ACADL: variants seen among roughly 807,000 people sequenced by gnomAD.
ACADL encodes long-chain specific acyl-CoA dehydrogenase, mitochondrial.
A neutral mutation model predicts 56.9 loss-of-function variants in ACADL; 60 were observed. The observed-to-expected ratio is 1.05, with a 90% CI of 0.86 to 1.31. The LOEUF (loss-of-function observed/expected upper bound fraction) is 1.31. ACADL is among the 50% of genes most tolerant of loss of function. ACADL has a pLI of 0.00. For synonymous variants in ACADL, 158 were observed against 179.7 expected, an observed-to-expected ratio of 0.88 and a Z score of 0.97; for missense variants, 484 against 525.5, an observed-to-expected ratio of 0.92 and a Z score of 0.77.
intron 8 of ACADL, among the ~76,000 whole-genome samples, chr2:210,195,638 C>G (rs961266871): frequency 3.9e-5 from 6 of 152,128 alleles, no homozygotes; most frequent in African/African-American, 1.4e-4. Context: ...AACAGCATGA[C>G]TTTAATGTGT....
intron 4 of ACADL, among the ~76,000 whole-genome samples, chr2:210,215,390 A>G (rs527700537): frequency 1.3e-5 from 2 of 152,260 alleles, no homozygotes; most frequent in South Asian, 4.1e-4. Context: ...TGGCCTTGAC[A>G]TTACTAACTT....
intron 10 of ACADL, among the ~76,000 whole-genome samples, chr2:210,191,220 C>T (rs983319097): frequency 2.6e-5 from 4 of 151,952 alleles, no homozygotes; most frequent in African/African-American, 9.7e-5. Context: ...GCCTCAGTGG[C>T]TTTTTTGATA....
intron 10 of ACADL, among the ~76,000 whole-genome samples, chr2:210,190,978 G>A (rs1325251389): frequency 4.7e-5 from 7 of 149,746 alleles, no homozygotes; most frequent in East Asian, 4.0e-4. Context: ...GTGCAGTGGC[G>A]CAATCTCGAC....
At chr2:210,215,098 C>T (rs1689063566) in intron 4 of ACADL, among the ~76,000 whole-genome samples, 1 of 152,174 alleles carries the variant, frequency 6.6e-6, no homozygotes, top group Non-Finnish European at 1.5e-5. Flanking sequence ...TCTTTGGCAT[C>T]TTTAAGTTCT....
At chr2:210,194,313 A>G (rs1033792375) in intron 9 of ACADL, among the ~76,000 whole-genome samples, 2 of 152,176 alleles carry the variant, frequency 1.3e-5, no homozygotes, top group Non-Finnish European at 2.9e-5. Context: ...GGATCATTAT[A>G]TAAAGCACAA....
At position 210,205,788 on chromosome 2, in the gene ACADL, G is replaced by A; in HGVS notation, c.612C>T (p.Ile204=). Residue 204 remains isoleucine, a synonymous_variant, in exon 6 of 11, where the codon ATC becomes ATT. Coordinates refer to ENST00000233710, the MANE Select transcript of ACADL (RefSeq NM_001608.4). ...DWILNGSKVF[I]SNGSLSDVVI... is the part of the protein sequence containing the mutation. ...CAACATCACTTAATGACCCATTACT[G>A]ATGAACACCTGCAAAACCCCAAGTA... The A allele has an allele frequency of 6.2e-7, 1 of 1,613,944 alleles. No individual in the cohort carries two copies. Among genetic ancestry groups the A allele is most frequent in the African/African-American group, 1.3e-5 (1 of 75,006 alleles).
intron 8 of ACADL, among the ~76,000 whole-genome samples, chr2:210,202,373 G>A (rs1233343657): frequency 2.0e-5 from 3 of 152,160 alleles, no homozygotes; most frequent in Non-Finnish European, 2.9e-5. Context: ...GATTACAGGC[G>A]TGAGTCAGTG....
intron 2 of ACADL, 120 bp downstream of exon 2, chr2:210,220,527 A>C: frequency 1.1e-6 from 1 of 906,364 alleles, no homozygotes; most frequent in South Asian, 1.4e-5. Context: ...GAAGAGCAGT[A>C]AAAATGTTAA....
intron 8 of ACADL, among the ~76,000 whole-genome samples, chr2:210,201,070 C>G (rs1688784212): frequency 6.6e-6 from 1 of 152,160 alleles, no homozygotes; most frequent in Non-Finnish European, 1.5e-5. Flanking sequence ...CCAACTGATC[C>G]TTTCTGAATA....
At position 210,203,422 on chromosome 2, in the gene ACADL, A is replaced by G; in HGVS notation, c.893T>C (p.Val298Ala). ...LPQERLLIADVAISASEFMFE... is the reference protein window; with the variant it reads ...LPQERLLIADAAISASEFMFE... The stretch of plus-strand genomic sequence containing the variant: ...CATGAATTCACTAGCTGAAATTGCC[A>G]CATCAGCAATTAACAGCCTTTCCTA... The change falls in exon 8 of 11, where the codon GTG becomes GCG. Residue 298 changes from valine (V) to alanine (A), a missense_variant. Coordinates refer to ENST00000233710, the MANE Select transcript of ACADL (RefSeq NM_001608.4). The G allele has an allele frequency of 1.2e-6, 2 of 1,613,166 alleles. No individual in the cohort carries two copies. The highest frequency in any genetic ancestry group is 1.7e-6 in the Non-Finnish European group (2 of 1,179,502).
chr2:210,220,395 G>A (rs1300282583), intron 2 of ACADL, among the ~76,000 whole-genome samples: 5 of 151,976 alleles, frequency 3.3e-5, no homozygotes, highest in African/African-American at 7.3e-5. Context: ...CTTACCCATG[G>A]TTTTCAAAAA....
intron 5 of ACADL, chr2:210,209,804 C>T: frequency 5.6e-6 from 1 of 177,200 alleles, no homozygotes; most frequent in South Asian, 1.3e-4. Flanking sequence ...GCCTGGCCTT[C>T]TCCTAGAATC....
intron 2 of ACADL, 24 bp downstream of exon 2, chr2:210,220,623 A>G: frequency 6.2e-7 from 1 of 1,609,308 alleles, no homozygotes. Context: ...TATACATTAC[A>G]TTAGAGGAAA....
chr2:210,188,049 T>C lies in ACADL; in HGVS notation c.*912A>G, dbSNP rs1688574684. 6.6e-6 allele frequency: 1 copy of C among 152,244 alleles called. No individual in the cohort carries two copies. The allele number at this position is 152,244 out of a possible 1,614,324, so 9.4% of individuals were successfully genotyped here. ...TTGCACTTATGCTTGAAATTATCTC[T>C]TTTACATATTTACTTCTTACCTTAT... On this transcript the variant is annotated 3_prime_UTR_variant, in exon 11 of 11. Coordinates refer to ENST00000233710, the MANE Select transcript of ACADL (RefSeq NM_001608.4).
chr2:210,198,547 C>T (rs529053699), intron 8 of ACADL, among the ~76,000 whole-genome samples: 3 of 152,164 alleles, frequency 2.0e-5, no homozygotes, highest in East Asian at 3.9e-4. Flanking sequence ...ATTTTCACTT[C>T]GTTGCCCACT....
intron 1 of ACADL, among the ~76,000 whole-genome samples, chr2:210,223,164 G>C (rs1274595153): frequency 6.6e-6 from 1 of 152,136 alleles, no homozygotes; most frequent in Non-Finnish European, 1.5e-5. Context: ...AACGAATAAA[G>C]ACTTTCAGGT....
At chr2:210,223,628 TTCAA>T (rs1689213920) in intron 1 of ACADL, among the ~76,000 whole-genome samples, 1 of 152,206 alleles carries the variant, frequency 6.6e-6, no homozygotes, top group Admixed American at 6.5e-5. Context: ...CTTGCCATGC[TTCAA>T]TCAAACTAAC....
Position 210,188,946 on chromosome 2 carries a change from G to C in ACADL, c.*15C>G, listed in dbSNP as rs542568647. 6 of 1,580,954 alleles carry C rather than the reference G, an allele frequency of 3.8e-6. No homozygotes were observed. The African/African-American group carries it at 6.7e-5, about 18-fold the overall frequency. ...GAGATTAGCTGTAATAGGACTCCAG[G>C]ATGTGGGCAGATGTCTACTTGTCAA... On this transcript the variant is annotated 3_prime_UTR_variant, in exon 11 of 11. Transcript: ENST00000233710.
intron 4 of ACADL, among the ~76,000 whole-genome samples, chr2:210,214,489 A>AAGAAAGAAAG (rs1163587796): frequency 4.0e-5 from 6 of 149,940 alleles, no homozygotes; most frequent in Admixed American, 1.3e-4. Flanking sequence ...GAAAGAAAGA[A>AAGAAAGAAAG]AGAAAGAAAG....
Sources: gnomAD v4.1 joint callset for allele counts (sites outside exome capture counted in the v4.1 genomes callset) on GRCh38, gnomAD v4.1.1 for gene constraint, MANE v1.5 for transcripts, NCBI Gene and HGNC (gene_info 2026-07-23, HGNC 2026-07-21) for gene names.